Variants in TIAM2 observed in about 807,000 individuals in gnomAD.
TIAM2 encodes TIAM Rac1 associated GEF 2.
Under a neutral mutation model 152.9 loss-of-function variants are expected in TIAM2, and 80 were observed. The ratio of observed to expected loss-of-function variants is 0.52; its 90% CI spans 0.44 to 0.63. TIAM2 has a LOEUF of 0.63. Among genes scored for constraint, TIAM2 ranks in the 30% least tolerant of loss-of-function variants. The pLI is 0.00. For missense variants in TIAM2, 1,965 were observed against 2,120.1 expected, an observed-to-expected ratio of 0.93 and a Z score of 1.44; for synonymous variants, 804 against 838.0, an observed-to-expected ratio of 0.96 and a Z score of 0.70.
chr6:155,145,873 A>G (rs1455429864), intron 6 of TIAM2, among the ~76,000 whole-genome samples: 1 of 152,166 alleles, frequency 6.6e-6, no homozygotes, highest in Non-Finnish European at 1.5e-5. Context: ...GACTTAACTT[A>G]CTAGAGCCAG....
At chr6:155,253,672 C>T (rs1783814362) in intron 24 of TIAM2, 2 of 270,770 alleles carry the variant, frequency 7.4e-6, no homozygotes, top group Non-Finnish European at 1.4e-5. Context: ...GGCAAAACTG[C>T]AAAGGAGGTT....
At position 155,252,981 on chromosome 6, in the gene TIAM2, G is replaced by A. The variant is rs760770976; in HGVS notation, c.4153G>A (p.Asp1385Asn). 3 of 1,613,988 alleles carry A rather than the reference G, an allele frequency of 1.9e-6. No homozygotes were observed. The highest frequency in any genetic ancestry group is 2.2e-5 in the South Asian group (2 of 91,074). The change falls in exon 24 of 27, where the codon GAC becomes AAC. Residue 1385 changes from aspartate (D) to asparagine (N), a missense_variant. Around this residue, in one of 3 missense-constraint regions of TIAM2, gnomAD observed 935 missense variants for 980.0 expected, o/e 0.95. Transcript: ENST00000682666. ...SNSRPAHNSTDLDPFKFRWLI... is the reference protein window; with the variant it reads ...SNSRPAHNSTNLDPFKFRWLI... Reference sequence around the variant, plus strand: ...TTCCCGGCCTGCACACAACTCTACTGACTTGGACCCATTTAAATTCCGCTG... The same window carrying A: ...TTCCCGGCCTGCACACAACTCTACTAACTTGGACCCATTTAAATTCCGCTG...
rs993904098 is a variant in TIAM2 at position 155,010,643 on chromosome 6, C to T, written c.-209+15151C>T. Among the ~76,000 whole-genome samples, 10 of 151,968 alleles carry T rather than the reference C, an allele frequency of 6.6e-5. 1 individual carries two copies. Among genetic ancestry groups the T allele is most frequent in the African/African-American group, 9.7e-5 (4 of 41,392 alleles). The stretch of plus-strand genomic sequence containing the variant: ...GCTAATTTTCTATTTTTAGTAGAGA[C>T]GGGGTTTCTCCATGTTGGTCAGGCT... On this transcript the variant is annotated intron_variant, in intron 1 of 26. Transcript: ENST00000682666.
chr6:155,248,416 C>T (rs974480058), intron 20 of TIAM2, among the ~76,000 whole-genome samples: 4 of 152,234 alleles, frequency 2.6e-5, no homozygotes, highest in African/African-American at 7.2e-5. Context: ...ATCCGGGTAG[C>T]GCCATACTCC....
intron 14 of TIAM2, among the ~76,000 whole-genome samples, chr6:155,202,933 G>A (rs1332486509): frequency 6.7e-6 from 1 of 148,734 alleles, no homozygotes; most frequent in Non-Finnish European, 1.5e-5. Context: ...TGCACCCATA[G>A]TTCCAGCTAC....
At chr6:155,052,747 T>TG (rs1777344924) in intron 1 of TIAM2, among the ~76,000 whole-genome samples, 1 of 137,308 alleles carries the variant, frequency 7.3e-6, no homozygotes, top group Non-Finnish European at 1.5e-5. Context: ...ACTCTAAGCC[T>TG]GGGGGACAAG....
At chr6:155,009,229 G>A (rs1478239275) in intron 1 of TIAM2, among the ~76,000 whole-genome samples, 1 of 150,264 alleles carries the variant, frequency 6.7e-6, no homozygotes, top group Non-Finnish European at 1.5e-5. Flanking sequence ...AGCCTTCTGA[G>A]TAGCTGAGAC....
At chr6:155,028,340 T>TATAC (rs1375011605) in intron 1 of TIAM2, among the ~76,000 whole-genome samples, 1 of 126,494 alleles carries the variant, frequency 7.9e-6, no homozygotes, top group African/African-American at 3.3e-5. Context: ...ATATAATATA[T>TATAC]ACTGTGTTAC....
chr6:155,217,976 G>A (rs1233281853), intron 15 of TIAM2, among the ~76,000 whole-genome samples: 2 of 152,142 alleles, frequency 1.3e-5, no homozygotes, highest in Admixed American at 1.3e-4. Context: ...GCTTTTAAGA[G>A]CTTGCCTATC....
At chr6:155,230,964 C>T (rs1318525998) in intron 15 of TIAM2, among the ~76,000 whole-genome samples, 1 of 151,306 alleles carries the variant, frequency 6.6e-6, no homozygotes, top group Non-Finnish European at 1.5e-5. Flanking sequence ...TCCTGAGTAG[C>T]TGGGATTACA....
At chr6:155,082,665 C>CAAATAAATAAATAAGT (rs765607888) in intron 1 of TIAM2, among the ~76,000 whole-genome samples, 2 of 93,378 alleles carry the variant, frequency 2.1e-5, no homozygotes, top group Non-Finnish European at 4.2e-5. Context: ...CAAAAAAACC[C>CAAATAAATAAATAAGT]CAATAAATAA....
intron 16 of TIAM2, among the ~76,000 whole-genome samples, chr6:155,241,051 C>T (rs975708807): frequency 1.3e-5 from 2 of 152,194 alleles, no homozygotes; most frequent in African/African-American, 4.8e-5. Flanking sequence ...TGATGAGGAA[C>T]TTGGGAACAA....
At chr6:155,116,394 C>T (rs1434043753) in intron 2 of TIAM2, among the ~76,000 whole-genome samples, 3 of 148,224 alleles carry the variant, frequency 2.0e-5, no homozygotes, top group African/African-American at 7.8e-5. Context: ...CTAAAAATGA[C>T]TCTCAAACAA....
intron 1 of TIAM2, among the ~76,000 whole-genome samples, chr6:154,999,095 CCCATGTGTTTGT>C (rs1778269086): frequency 6.6e-6 from 1 of 151,710 alleles, no homozygotes; most frequent in Non-Finnish European, 1.5e-5. Context: ...TGGAATTTGG[CCCATGTGTTTGT>C]ATTTCTTAAA....
intron 1 of TIAM2, among the ~76,000 whole-genome samples, chr6:155,050,540 T>C (rs567158245): frequency 1.3e-5 from 2 of 152,298 alleles, no homozygotes; most frequent in South Asian, 4.1e-4. Context: ...AGAAACATGC[T>C]CTCAGGAGCC....
At chr6:155,224,329 C>T (rs1380585125) in intron 15 of TIAM2, among the ~76,000 whole-genome samples, 1 of 152,138 alleles carries the variant, frequency 6.6e-6, no homozygotes, top group East Asian at 1.9e-4. Context: ...ATAGACTCAG[C>T]TAAGAGTAGA....
intron 7 of TIAM2, among the ~76,000 whole-genome samples, chr6:155,154,778 G>A (rs1006556261): frequency 2.0e-5 from 3 of 152,126 alleles, no homozygotes. Context: ...GGTTGCTGTG[G>A]GGAAGGAGGA....
intron 7 of TIAM2, 71 bp downstream of exon 7, chr6:155,148,405 T>TC (rs1562332447): frequency 7.1e-7 from 1 of 1,413,106 alleles, no homozygotes; most frequent in African/African-American, 1.4e-5. Context: ...ACGCATGCTG[T>TC]CATCTTGGTG....
intron 13 of TIAM2, among the ~76,000 whole-genome samples, 161 bp from the exon 14 acceptor site, chr6:155,183,076 G>A (rs1195468967): frequency 6.6e-6 from 1 of 152,216 alleles, no homozygotes; most frequent in Non-Finnish European, 1.5e-5. Flanking sequence ...TGGGACTACA[G>A]GCACCTGCCA....
Sources: allele counts gnomAD v4.1 joint callset (sites outside exome capture counted in the v4.1 genomes callset), GRCh38; gene constraint gnomAD v4.1.1; regional missense constraint gnomAD v4.1.1; transcripts MANE v1.5; gene names NCBI Gene and HGNC (gene_info 2026-07-23, HGNC 2026-07-21).